The following IFT140 variants were observed in gnomAD, a reference collection of about 807,000 sequenced individuals.
IFT140 encodes the protein intraflagellar transport 140.
In IFT140, 133 loss-of-function variants were observed where a neutral mutation model predicts 164.6. The observed-to-expected ratio is 0.81, with a 90% CI of 0.70 to 0.93. The LOEUF is 0.93. IFT140 is among the 40% of genes least tolerant of loss of function. IFT140 has a pLI of 0.00. For missense variants in IFT140, 2,045 were observed against 1,972.3 expected, an observed-to-expected ratio of 1.04 and a Z score of -0.70; for synonymous variants, 860 against 817.3, an observed-to-expected ratio of 1.05 and a Z score of -0.89.
intron 19 of IFT140, chr16:1,534,543 G>T: frequency 6.2e-7 from 1 of 1,604,060 alleles, no homozygotes. Flanking sequence ...GGAGTCCCGA[G>T]GCACCGTCAA....
chr16:1,585,995 T>A, intron 10 of IFT140, 135 bp downstream of exon 10: 1 of 982,576 alleles, frequency 1.0e-6, no homozygotes, highest in Non-Finnish European at 1.6e-6. Context: ...ATGGTCTCGA[T>A]CTCCTGACCT....
At chr16:1,576,284 T>TC (rs2034270150) in intron 13 of IFT140, among the ~76,000 whole-genome samples, 1 of 134,760 alleles carries the variant, frequency 7.4e-6, no homozygotes, top group African/African-American at 3.2e-5. Flanking sequence ...AGACTCTGTC[T>TC]TTAAAAAAAA....
chr16:1,525,821 A>C, intron 21 of IFT140, 66 bp downstream of exon 21: 2 of 1,420,530 alleles, frequency 1.4e-6, no homozygotes, highest in Non-Finnish European at 1.9e-6. Context: ...CACAGCACAC[A>C]CAAGAGGCCT....
At position 1,564,137 on chromosome 16, in the gene IFT140, G is replaced by A. The variant is rs750479785; in HGVS notation, c.1927C>T (p.Leu643=). 3 of 1,584,174 alleles carry A rather than the reference G, an allele frequency of 1.9e-6. No homozygotes were observed. The highest frequency in any genetic ancestry group is 1.7e-6 in the Non-Finnish European group (2 of 1,158,106). ...TGGTTCACGGGAACATAATTTTTCA[G>A]TCCCTCATCCACAAAGAGGTGGCTC... ...NKSHLFVDEG[L]KNYVPVNHFW... Residue 643 remains leucine, a synonymous_variant, in exon 17 of 31, where the codon CTG becomes TTG. Transcript: ENST00000426508. The surrounding 1 kb of genome is among the most constrained non-coding windows in gnomAD (Gnocchi z 5.5).
At chr16:1,596,755 G>A (rs1005101159) in intron 4 of IFT140, among the ~76,000 whole-genome samples, 2 of 152,064 alleles carry the variant, frequency 1.3e-5, no homozygotes, top group African/African-American at 4.8e-5. Flanking sequence ...AGCCCGAGGC[G>A]CCTCCACCTC....
In IFT140 at chr16:1,524,888, G is replaced by T; in HGVS notation, c.2893C>A (p.Leu965Met). ...KTLWRWWAQY[L>M]ESQGEMDAAL... ...GCGTCCATCTCGCCCTGGCTCTCCAGGTACTGCGCCCACCACCGCCACAGG... is the reference window on the plus strand; with the variant it reads ...GCGTCCATCTCGCCCTGGCTCTCCATGTACTGCGCCCACCACCGCCACAGG... Residue 965 changes from leucine (L) to methionine (M), a missense_variant, in exon 23 of 31, where the codon CTG becomes ATG. By Grantham distance (15) the Leu-to-Met change is conservative. Coordinates refer to ENST00000426508, the MANE Select transcript of IFT140 (RefSeq NM_014714.4). The T allele has an allele frequency of 1.2e-6, 2 of 1,610,568 alleles. No homozygotes were observed. The highest frequency in any genetic ancestry group is 1.7e-6 in the Non-Finnish European group (2 of 1,178,644).
chr16:1,608,896 C>A (rs1288038982), intron 2 of IFT140, among the ~76,000 whole-genome samples: 2 of 152,072 alleles, frequency 1.3e-5, no homozygotes, highest in African/African-American at 4.8e-5. Context: ...TGGCTCATGC[C>A]TGTAATCCCA....
At chr16:1,601,256 T>C (rs2142028226) in intron 4 of IFT140, among the ~76,000 whole-genome samples, 1 of 141,234 alleles carries the variant, frequency 7.1e-6, no homozygotes, top group Non-Finnish European at 1.5e-5. Flanking sequence ...AGAGCAAGAT[T>C]CCATCACAAA....
intron 19 of IFT140, 194 bp from the exon 20 acceptor site, chr16:1,526,990 G>C: frequency 1.7e-6 from 1 of 583,898 alleles, no homozygotes; most frequent in African/African-American, 1.9e-5. Flanking sequence ...CGAGTCCCAC[G>C]GCCTTCCTAA....
At chr16:1,522,852 G>A (rs768643107) in intron 26 of IFT140, among the ~76,000 whole-genome samples, 21 of 152,124 alleles carry the variant, frequency 1.4e-4, no homozygotes, top group Non-Finnish European at 2.8e-4. Context: ...GCATCTCCGT[G>A]AATTTTGATA....
chr16:1,552,702 G>T lies in IFT140; in HGVS notation c.2399+5233C>A, dbSNP rs539542314. 2.0e-5 allele frequency among the ~76,000 whole-genome samples: 3 copies of T among 146,762 alleles called. No individual in the cohort carries two copies. In the South Asian group the frequency reaches 6.4e-4, roughly 32 times the overall value. On this transcript the variant is annotated intron_variant, in intron 19 of 30. Transcript: ENST00000426508. ...CTCGCTCTGTCGCCAAGGCTGGAGT[G>T]CAGTGGCGTGATCTCGGCTCACTGC...
At chr16:1,554,125 G>C (rs2032898174) in intron 19 of IFT140, 3 of 1,287,056 alleles carry the variant, frequency 2.3e-6, no homozygotes, top group Admixed American at 2.3e-5. Context: ...TCGGAAGTGA[G>C]GGAAGACACC....
At position 1,523,602 on chromosome 16, in the gene IFT140, A is replaced by C; in HGVS notation, c.3369T>G (p.Pro1123=). The part of the protein sequence containing the change: ...IAEDLDETSD[P]ALLARCSDFF... ...AGTCGGAGCAGCGGGCCAGGAGCGCAGGGTCTGACGTCTCATCCAGGTCCT... is the reference window on the plus strand; with the variant it reads ...AGTCGGAGCAGCGGGCCAGGAGCGCCGGGTCTGACGTCTCATCCAGGTCCT... The change falls in exon 26 of 31, where the codon CCT becomes CCG. Residue 1123 remains proline (P), a synonymous_variant. Transcript: ENST00000426508. 6.2e-7 allele frequency: 1 copy of C among 1,613,942 alleles called. No homozygotes were observed. The highest frequency in any genetic ancestry group is 8.5e-7 in the Non-Finnish European group (1 of 1,180,010).
At chr16:1,590,857 C>A (rs1249806870) in intron 6 of IFT140, among the ~76,000 whole-genome samples, 1 of 152,146 alleles carries the variant, frequency 6.6e-6, no homozygotes, top group Non-Finnish European at 1.5e-5. Context: ...CCTCAGCCTC[C>A]TGGGTTCAAG....
intron 26 of IFT140, among the ~76,000 whole-genome samples, 178 bp from the exon 27 acceptor site, chr16:1,520,986 T>C (rs562880580): frequency 6.6e-6 from 1 of 152,338 alleles, no homozygotes; most frequent in South Asian, 2.1e-4. Context: ...CCTACAATCA[T>C]TCACGTTACT....
chr16:1,557,602 G>A (rs1313004712), intron 19 of IFT140: 1 of 256,652 alleles, frequency 3.9e-6, no homozygotes, highest in East Asian at 8.3e-5. Flanking sequence ...TTTCCACCTG[G>A]CTGTTTTTAG....
intron 3 of IFT140, among the ~76,000 whole-genome samples, chr16:1,605,491 T>G (rs534299913): frequency 1.3e-5 from 2 of 152,244 alleles, no homozygotes; most frequent in Non-Finnish European, 2.9e-5. Context: ...CAGCAAGCTC[T>G]GCCTCCTGGG....
At chr16:1,535,134 C>CTCACGGTTGTTGGGGTCT (rs1338032237) in intron 19 of IFT140, among the ~76,000 whole-genome samples, 3 of 152,084 alleles carry the variant, frequency 2.0e-5, no homozygotes, top group Non-Finnish European at 4.4e-5. Flanking sequence ...TGGCTTTGTT[C>CTCACGGTTGTTGGGGTCT]TCACGGTTGT....
At chr16:1,535,782 G>A (rs1374529019) in intron 19 of IFT140, among the ~76,000 whole-genome samples, 2 of 152,234 alleles carry the variant, frequency 1.3e-5, no homozygotes, top group Non-Finnish European at 2.9e-5. Flanking sequence ...CCTGGACTGC[G>A]CACTTCCTCT....
Sources: gnomAD v4.1 joint callset for allele counts (sites outside exome capture counted in the v4.1 genomes callset) on GRCh38, gnomAD v4.1.1 for gene constraint, Gnocchi (gnomAD v3.1) non-coding constraint, MANE v1.5 for transcripts, NCBI Gene and HGNC (gene_info 2026-07-23, HGNC 2026-07-21) for gene names.